The following DIPK1A variants were observed in gnomAD, a reference collection of about 807,000 sequenced individuals.
DIPK1A encodes divergent protein kinase domain 1A.
DIPK1A carries 27 observed loss-of-function variants against 40.8 expected under a neutral mutation model. The ratio of observed to expected loss-of-function variants is 0.66; its 90% CI spans 0.49 to 0.91. DIPK1A has a LOEUF of 0.91. DIPK1A is among the 40% of genes least tolerant of loss of function. The pLI is 0.00. For synonymous variants in DIPK1A, 166 were observed against 171.3 expected (o/e 0.97, Z 0.24); for missense variants, 412 against 505.7 (o/e 0.81, Z 1.78).
intron 2 of DIPK1A, among the ~76,000 whole-genome samples, chr1:92,868,576 C>A (rs781531333): frequency 1.3e-5 from 2 of 152,150 alleles, no homozygotes; most frequent in Non-Finnish European, 2.9e-5. Context: ...CCATTCTCTA[C>A]GAAACATTGC....
chr1:92,959,334 G>C (rs893091140), intron 1 of DIPK1A, among the ~76,000 whole-genome samples: 6 of 152,070 alleles, frequency 3.9e-5, no homozygotes, highest in African/African-American at 1.4e-4. Flanking sequence ...GGTTGGAAGA[G>C]GGAGTGGGGG....
intron 1 of DIPK1A, among the ~76,000 whole-genome samples, chr1:92,958,330 T>C (rs1349147138): frequency 6.6e-6 from 1 of 152,162 alleles, no homozygotes; most frequent in Non-Finnish European, 1.5e-5. Flanking sequence ...GCTTAAAAGT[T>C]TTCTCCTGTA....
chr1:92,870,071 T>TAGAC (rs1491483682), intron 2 of DIPK1A, among the ~76,000 whole-genome samples: 1 of 30,310 alleles, frequency 3.3e-5, no homozygotes, highest in Non-Finnish European at 7.3e-5. Flanking sequence ...ACATGAATTA[T>TAGAC]ATATACACAC....
At chr1:92,832,813 G>A in exon 5 of DIPK1A, 1 of 582,242 alleles carries the variant, frequency 1.7e-6, no homozygotes, top group South Asian at 2.2e-5. Flanking sequence ...TTTAGTGGGG[G>A]AATTACTGCT....
intron 1 of DIPK1A, among the ~76,000 whole-genome samples, chr1:92,952,893 G>A (rs186032544): frequency 6.6e-6 from 1 of 152,030 alleles, no homozygotes; most frequent in East Asian, 1.9e-4. Context: ...TAAAACTTGT[G>A]GCACTAGCTC....
At position 92,842,980 on chromosome 1, in the gene DIPK1A, A is replaced by G; in HGVS notation, c.*403T>C. 1 of 994,238 alleles carries G rather than the reference A, an allele frequency of 1.0e-6. No individual in the cohort carries two copies. Among genetic ancestry groups the G allele is most frequent in the Non-Finnish European group, 1.2e-6 (1 of 835,652 alleles). 61.6% of individuals were successfully genotyped at this position (994,238 alleles called of 1,614,324 possible). A position where few individuals can be genotyped will look rare whatever the true frequency, so the allele number is the denominator to read the frequency against. On this transcript the variant is annotated 3_prime_UTR_variant, in exon 5 of 5. Coordinates refer to ENST00000370310, the MANE Select transcript of DIPK1A (RefSeq NM_001006605.5). ...TGTGCAAACTTTACCATGCTAAGAC[A>G]TTAGTAAATTTATAAATTTTCTTGT...
intron 1 of DIPK1A, among the ~76,000 whole-genome samples, chr1:92,940,952 T>C (rs1651128424): frequency 6.6e-6 from 1 of 152,244 alleles, no homozygotes; most frequent in Non-Finnish European, 1.5e-5. Flanking sequence ...TTTTTCCCAC[T>C]TTCTAACTGG....
At chr1:92,871,334 T>A (rs1157565653) in intron 2 of DIPK1A, among the ~76,000 whole-genome samples, 4 of 152,000 alleles carry the variant, frequency 2.6e-5, no homozygotes, top group Admixed American at 1.3e-4. Context: ...CACGGCTAAT[T>A]TTGTATTTTT....
Position 92,861,321 on chromosome 1 carries a change from C to CT in DIPK1A, c.190-10367dup, listed in dbSNP as rs71230876. ...AATAGCTTTTCTATTCTCTCTCTCT[C>CT]TTTTTTTTTTTTTTTTTTTTTTTGA... On this transcript the variant is annotated intron_variant, in intron 2 of 4. Coordinates refer to ENST00000370310, the MANE Select transcript of DIPK1A (RefSeq NM_001006605.5). Among the ~76,000 whole-genome samples the CT allele has an allele frequency of 8.6e-3, 722 of 83,522 alleles. 86 individuals carry two copies. Among genetic ancestry groups the CT allele is most frequent in the African/African-American group, 0.028 (611 of 21,504 alleles). 54.8% of individuals were successfully genotyped at this position (83,522 alleles called of 152,430 possible).
At chr1:92,935,209 T>G (rs6604031) in intron 1 of DIPK1A, among the ~76,000 whole-genome samples, 93,091 of 152,018 alleles carry the variant, frequency 0.61, 29,245 homozygotes, top group East Asian at 0.94. Context: ...TGAGCAACAC[T>G]ACTGTCTAAA....
chr1:92,931,545 T>C (rs1003694970), intron 1 of DIPK1A: 114 of 139,468 alleles, frequency 8.2e-4, no homozygotes, highest in African/African-American at 9.4e-4. Flanking sequence ...CTGGCCAACA[T>C]AGCGAGATGC....
At chr1:92,872,999 C>A (rs542871908) in intron 2 of DIPK1A, among the ~76,000 whole-genome samples, 1 of 152,226 alleles carries the variant, frequency 6.6e-6, no homozygotes, top group Non-Finnish European at 1.5e-5. Flanking sequence ...CTGCTGATTT[C>A]TTGTCCCCAG....
chr1:92,919,489 G>T (rs1019312651), intron 1 of DIPK1A, among the ~76,000 whole-genome samples: 1 of 152,090 alleles, frequency 6.6e-6, no homozygotes, highest in Non-Finnish European at 1.5e-5. Flanking sequence ...CCTGAGCATG[G>T]AGAGTGTCTT....
At chr1:92,955,268 T>G (rs573851381) in intron 1 of DIPK1A, among the ~76,000 whole-genome samples, 34 of 152,280 alleles carry the variant, frequency 2.2e-4, no homozygotes, top group Admixed American at 7.8e-4. Flanking sequence ...ATACATGTCA[T>G]TATGCATTTA....
At chr1:92,953,819 T>C (rs1308404352) in intron 1 of DIPK1A, among the ~76,000 whole-genome samples, 3 of 152,226 alleles carry the variant, frequency 2.0e-5, no homozygotes, top group Non-Finnish European at 4.4e-5. Context: ...CACAGATCTT[T>C]GTTGCTGCAC....
intron 2 of DIPK1A, among the ~76,000 whole-genome samples, chr1:92,869,343 A>C (rs886750329): frequency 4.6e-5 from 7 of 151,886 alleles, no homozygotes; most frequent in African/African-American, 1.7e-4. Context: ...TATTTTTTGT[A>C]GAGATGGATT....
At chr1:92,844,502 TCATA>T (rs767762758) in intron 4 of DIPK1A, among the ~76,000 whole-genome samples, 1 of 152,212 alleles carries the variant, frequency 6.6e-6, no homozygotes, top group Non-Finnish European at 1.5e-5. Context: ...TATTCCTCAT[TCATA>T]CATTAAAAAA....
chr1:92,836,012 T>C (rs1242697575), intron 4 of DIPK1A, among the ~76,000 whole-genome samples: 2 of 150,150 alleles, frequency 1.3e-5, no homozygotes, highest in African/African-American at 2.4e-5. Context: ...ATGTTTTAAG[T>C]TTTTTTTTTA....
intron 1 of DIPK1A, among the ~76,000 whole-genome samples, chr1:92,928,612 T>TA (rs1332857970): frequency 6.6e-6 from 1 of 152,248 alleles, no homozygotes; most frequent in Non-Finnish European, 1.5e-5. Flanking sequence ...TTCTTGTTTT[T>TA]ATCTGAAAAA....
Sources: gnomAD v4.1 joint callset for allele counts (sites outside exome capture counted in the v4.1 genomes callset) on GRCh38, gnomAD v4.1.1 for gene constraint, MANE v1.5 for transcripts, NCBI Gene and HGNC (gene_info 2026-07-23, HGNC 2026-07-21) for gene names.